EDAR: variants seen among roughly 807,000 people sequenced by gnomAD.
EDAR encodes the protein ectodysplasin A receptor.
EDAR carries 38 observed loss-of-function variants against 51.3 expected under a neutral mutation model. The observed-to-expected ratio is 0.74, with a 90% confidence interval of 0.57 to 0.97. The LOEUF is 0.97. EDAR is among the 50% of genes least tolerant of loss of function. EDAR has a pLI of 0.00. For synonymous variants in EDAR, 227 were observed against 242.1 expected (o/e 0.94, Z 0.58); for missense variants, 528 against 595.0 (o/e 0.89, Z 1.17).
intron 6 of EDAR, among the ~76,000 whole-genome samples, chr2:108,911,973 G>C (rs1696936673): frequency 1.3e-5 from 2 of 152,194 alleles, no homozygotes; most frequent in African/African-American, 4.8e-5. Flanking sequence ...CGTGTTTTGA[G>C]CTACTCCCCC....
chr2:108,907,013 G>T (rs1052418996), intron 10 of EDAR, among the ~76,000 whole-genome samples: 2 of 152,218 alleles, frequency 1.3e-5, no homozygotes, highest in Non-Finnish European at 2.9e-5. Flanking sequence ...CTGCAGCCAG[G>T]GGCACAGGCT....
At chr2:108,947,932 A>G (rs1697745455) in intron 1 of EDAR, among the ~76,000 whole-genome samples, 1 of 152,188 alleles carries the variant, frequency 6.6e-6, no homozygotes, top group African/African-American at 2.4e-5. Flanking sequence ...TCTACCATAT[A>G]GTTAGGTTGC....
At chr2:108,915,699 C>A (rs1697013874) in intron 5 of EDAR, among the ~76,000 whole-genome samples, 1 of 152,060 alleles carries the variant, frequency 6.6e-6, no homozygotes, top group Non-Finnish European at 1.5e-5. Context: ...GAGTTTGAGA[C>A]CACCCTGGCC....
At chr2:108,922,041 T>C (rs1382994325) in intron 5 of EDAR, among the ~76,000 whole-genome samples, 1 of 152,230 alleles carries the variant, frequency 6.6e-6, no homozygotes, top group East Asian at 1.9e-4. Context: ...CCACATGTGA[T>C]AGACCTCATT....
chr2:108,912,819 C>T (rs1696953302), intron 5 of EDAR, 55 bp from the exon 6 acceptor site: 59 of 1,428,890 alleles, frequency 4.1e-5, no homozygotes, highest in Non-Finnish European at 5.0e-5. Context: ...CCTTCAAAGA[C>T]GCTGCCACAG....
chr2:108,968,373 T>C (rs555082827), intron 1 of EDAR, among the ~76,000 whole-genome samples: 3 of 152,282 alleles, frequency 2.0e-5, no homozygotes, highest in African/African-American at 7.2e-5. Context: ...TATAGAAAAA[T>C]AATTGTACAT....
At chr2:108,908,350 T>C (rs1009590033) in intron 9 of EDAR, among the ~76,000 whole-genome samples, 1 of 152,138 alleles carries the variant, frequency 6.6e-6, no homozygotes, top group Admixed American at 6.5e-5. Flanking sequence ...TCCGTGAAGG[T>C]TCATTGAATA....
chr2:108,925,793 T>C (rs183793998), intron 4 of EDAR, among the ~76,000 whole-genome samples: 3 of 152,300 alleles, frequency 2.0e-5, no homozygotes, highest in Non-Finnish European at 4.4e-5. Flanking sequence ...AATTTTTATA[T>C]TTTAATAGAG....
chr2:108,971,267 G>GA (rs1351011422), intron 1 of EDAR, among the ~76,000 whole-genome samples: 3 of 152,084 alleles, frequency 2.0e-5, no homozygotes, highest in Non-Finnish European at 1.5e-5. Flanking sequence ...CCAGCATCTA[G>GA]AAACTGGCTC....
intron 1 of EDAR, among the ~76,000 whole-genome samples, chr2:108,940,733 C>G (rs757028447): frequency 6.6e-6 from 1 of 152,244 alleles, no homozygotes. Flanking sequence ...ACGGGGCAGG[C>G]TTCCAGGGGC....
chr2:108,908,264 G>A (rs1226663822), intron 9 of EDAR, among the ~76,000 whole-genome samples: 2 of 152,242 alleles, frequency 1.3e-5, no homozygotes, highest in East Asian at 3.9e-4. Flanking sequence ...AGGCGTCTAA[G>A]GGGCTGGGGC....
chr2:108,973,302 T>C (rs1698267153), intron 1 of EDAR, among the ~76,000 whole-genome samples: 1 of 152,190 alleles, frequency 6.6e-6, no homozygotes, highest in Non-Finnish European at 1.5e-5. Flanking sequence ...CATGTGTGTA[T>C]AGTGCCGCCT....
chr2:108,916,976 A>C, intron 5 of EDAR, among the ~76,000 whole-genome samples: 1 of 152,186 alleles, frequency 6.6e-6, no homozygotes. Flanking sequence ...AGGCCACCAA[A>C]GGGCAGCAGC....
At position 108,896,580 on chromosome 2, in the gene EDAR, G is replaced by A. The variant is rs1469971083; in HGVS notation, c.*327C>T. On this transcript the variant is annotated 3_prime_UTR_variant, in exon 12 of 12. Transcript: ENST00000258443. The stretch of plus-strand genomic sequence containing the variant: ...GATTCTTCACTTCTGTCATTCCCAC[G>A]GGGTTTGATTCATTTGAGTCCTCAA... 2.8e-5 allele frequency: 8 copies of A among 288,766 alleles called. No homozygotes were observed. Among genetic ancestry groups the A allele is most frequent in the Admixed American group, 1.8e-4 (4 of 21,834 alleles). The allele number at this position is 288,766 out of a possible 1,614,324, so 17.9% of individuals were successfully genotyped here.
intron 10 of EDAR, among the ~76,000 whole-genome samples, chr2:108,907,301 CT>C (rs1315725030): frequency 6.6e-6 from 1 of 152,026 alleles, no homozygotes; most frequent in Admixed American, 6.6e-5. Flanking sequence ...GTGATTTTAC[CT>C]TTTTTCTCCT....
intron 1 of EDAR, among the ~76,000 whole-genome samples, chr2:108,953,852 A>G (rs1697870198): frequency 6.6e-6 from 1 of 152,204 alleles, no homozygotes; most frequent in Non-Finnish European, 1.5e-5. Context: ...TTGTGTGCCC[A>G]AGGGTCAAGT....
rs183380087 is a variant in EDAR, at chr2:108,974,247, A to G, written c.-19+14713T>C. 4.5e-3 allele frequency among the ~76,000 whole-genome samples: 624 copies of G among 138,260 alleles called. 3 individuals are homozygous for G. The highest frequency in any genetic ancestry group is 0.012 in the East Asian group (50 of 4,336). The allele number at this position is 138,260 out of a possible 152,430, so 90.7% of individuals were successfully genotyped here. ...TGGGAGGTTGAGGCAGGAGAATGGCATGAACCCGGGAGGCGGAGCTTGCAG... is the reference window on the plus strand; with the variant it reads ...TGGGAGGTTGAGGCAGGAGAATGGCGTGAACCCGGGAGGCGGAGCTTGCAG... On this transcript the variant is annotated intron_variant, in intron 1 of 11. Transcript: ENST00000258443.
At chr2:108,929,987 C>T in intron 3 of EDAR, 133 bp downstream of exon 3, 1 of 1,129,092 alleles carries the variant, frequency 8.9e-7, no homozygotes, top group Non-Finnish European at 1.2e-6. Flanking sequence ...TCTCAACGTC[C>T]AGGGAGCGTG....
intron 1 of EDAR, among the ~76,000 whole-genome samples, chr2:108,978,877 C>T (rs1698375281): frequency 6.6e-6 from 1 of 152,144 alleles, no homozygotes. Context: ...GCAAATAATC[C>T]ACATACAGAG....
Sources: allele counts gnomAD v4.1 joint callset (sites outside exome capture counted in the v4.1 genomes callset), GRCh38; gene constraint gnomAD v4.1.1; transcripts MANE v1.5; gene names NCBI Gene and HGNC (gene_info 2026-07-23, HGNC 2026-07-21).